The following DNAAF5 variants were observed in gnomAD, a reference collection of about 807,000 sequenced individuals.
DNAAF5 encodes HEAT repeat containing 2.
A neutral mutation model predicts 75.8 loss-of-function variants in DNAAF5; 64 were observed. The observed-to-expected ratio is 0.84, with a 90% CI of 0.69 to 1.04. The LOEUF (loss-of-function observed/expected upper bound fraction) is 1.04, where lower values mean the gene tolerates loss of function less well. DNAAF5 is among the 50% of genes least tolerant of loss of function. The pLI is 0.00. For synonymous variants in DNAAF5, 657 were observed against 557.2 expected (o/e 1.18, Z -2.52); for missense variants, 1,269 against 1,178.5 (o/e 1.08, Z -1.12).
chr7:766,083 C>T (rs1288585167), intron 8 of DNAAF5, among the ~76,000 whole-genome samples: 2 of 152,164 alleles, frequency 1.3e-5, no homozygotes, highest in Non-Finnish European at 2.9e-5. Context: ...CCCACCTCAC[C>T]CTCCCAAAGT....
chr7:753,364 G>A (rs894185684), intron 4 of DNAAF5, among the ~76,000 whole-genome samples: 12 of 152,228 alleles, frequency 7.9e-5, no homozygotes, highest in African/African-American at 2.7e-4. Context: ...GAGAAGGGAG[G>A]AGAGTGAACG....
Position 726,972 on chromosome 7 carries a change from C to G in DNAAF5, c.252C>G (p.Cys84Trp). ...TACTGCTGCCGCGCTTGCTGCGCTG[C>G]CTGAGCGACCCCGCCGAGGGCTGCC... ...ARLLLPRLLR[C>W]LSDPAEGCRA... The change falls in exon 1 of 13, where the codon TGC becomes TGG. Residue 84 changes from cysteine (C) to tryptophan (W), a missense_variant. By Grantham distance (215) the Cys-to-Trp change is radical. Coordinates refer to ENST00000297440, the MANE Select transcript of DNAAF5 (RefSeq NM_017802.4). 7.7e-7 allele frequency: 1 copy of G among 1,305,078 alleles called. No homozygotes were observed. Among genetic ancestry groups the G allele is most frequent in the Non-Finnish European group, 9.8e-7 (1 of 1,022,536 alleles). The allele number at this position is 1,305,078 out of a possible 1,614,324, so 80.8% of individuals were successfully genotyped here.
At chr7:743,908 AT>A (rs1001263085) in intron 4 of DNAAF5, among the ~76,000 whole-genome samples, 5 of 148,938 alleles carry the variant, frequency 3.4e-5, no homozygotes, top group Non-Finnish European at 6.0e-5. Flanking sequence ...TTCTTTTTTT[AT>A]TTTTTTATTA....
chr7:779,911 T>C, intron 11 of DNAAF5, 42 bp from the exon 12 acceptor site: 1 of 1,558,804 alleles, frequency 6.4e-7, no homozygotes, highest in Non-Finnish European at 8.8e-7. Flanking sequence ...ACGTGAAATG[T>C]CTGCTCTAGA....
At chr7:780,378 TGTTA>T (rs1177342695) in intron 12 of DNAAF5, among the ~76,000 whole-genome samples, 1 of 152,246 alleles carries the variant, frequency 6.6e-6, no homozygotes, top group African/African-American at 2.4e-5. Flanking sequence ...CTAGAATACT[TGTTA>T]GTTGTTTAAA....
At chr7:733,822 C>T (rs1781655851) in intron 2 of DNAAF5, among the ~76,000 whole-genome samples, 1 of 152,150 alleles carries the variant, frequency 6.6e-6, no homozygotes, top group Non-Finnish European at 1.5e-5. Context: ...AGATCTTTCA[C>T]TTCTTTGGTT....
At position 785,742 on chromosome 7, in the gene DNAAF5, C is replaced by A; in HGVS notation, c.*89C>A. The A allele has an allele frequency of 6.8e-7, 1 of 1,471,678 alleles. No homozygotes were observed. The highest frequency in any genetic ancestry group is 1.3e-5 in the South Asian group (1 of 79,604). 91.2% of individuals were successfully genotyped at this position (1,471,678 alleles called of 1,614,324 possible). On this transcript the variant is annotated 3_prime_UTR_variant, in exon 13 of 13. Transcript: ENST00000297440. ...ATCTCATAAACAAGGCACCTCTGTGCCAGCAGTGAGACTGTGACAGCAAGA... is the reference window on the plus strand; with the variant it reads ...ATCTCATAAACAAGGCACCTCTGTGACAGCAGTGAGACTGTGACAGCAAGA...
At chr7:761,585 A>T (rs1782645570) in intron 6 of DNAAF5, among the ~76,000 whole-genome samples, 168 bp from the exon 7 acceptor site, 2 of 152,248 alleles carry the variant, frequency 1.3e-5, no homozygotes, top group South Asian at 4.1e-4. Flanking sequence ...GTGAGACTTA[A>T]TATCAAGAGA....
chr7:740,730 C>T (rs975174747), intron 2 of DNAAF5, 89 bp from the exon 3 acceptor site: 15 of 1,548,252 alleles, frequency 9.7e-6, no homozygotes, highest in African/African-American at 2.7e-5. Flanking sequence ...AGGCAGCGTC[C>T]GTATGGCAGC....
At chr7:762,928 T>C (rs907480122) in intron 7 of DNAAF5, among the ~76,000 whole-genome samples, 5 of 152,154 alleles carry the variant, frequency 3.3e-5, no homozygotes, top group African/African-American at 4.8e-5. Context: ...TGCCCAAAAA[T>C]CTTTTAACCC....
Position 756,995 on chromosome 7 carries a change from G to C in DNAAF5, c.1470+1G>C. 1.2e-6 allele frequency: 2 copies of C among 1,601,186 alleles called. No individual in the cohort carries two copies. The highest frequency in any genetic ancestry group is 1.7e-6 in the Non-Finnish European group (2 of 1,179,362). On this transcript the variant is annotated splice_donor_variant, in intron 6 of 12. Transcript: ENST00000297440. LOFTEE classifies it high-confidence loss of function. ...CCACATCTGCCAGGCATCTGAAAAC[G>C]TAAGAGCACTTGGGAGATGCGGGAG...
intron 12 of DNAAF5, among the ~76,000 whole-genome samples, chr7:782,047 C>T (rs1335535901): frequency 6.6e-6 from 1 of 152,270 alleles, no homozygotes; most frequent in Non-Finnish European, 1.5e-5. Context: ...ATACTTAGAC[C>T]TTCCCCGCGC....
At chr7:741,296 T>C (rs1463852092) in intron 3 of DNAAF5, 51 bp from the exon 4 acceptor site, 2 of 1,398,260 alleles carry the variant, frequency 1.4e-6, no homozygotes, top group Non-Finnish European at 2.0e-6. Flanking sequence ...CCCTGCGGCC[T>C]CCCCTGCGTG....
At chr7:756,532 G>A (rs928382625) in intron 5 of DNAAF5, among the ~76,000 whole-genome samples, 1 of 152,238 alleles carries the variant, frequency 6.6e-6, no homozygotes, top group Non-Finnish European at 1.5e-5. Context: ...CTGGGACACA[G>A]CATCCTTTGG....
intron 12 of DNAAF5, among the ~76,000 whole-genome samples, chr7:782,789 C>G (rs887199030): frequency 6.6e-6 from 1 of 150,840 alleles, no homozygotes; most frequent in African/African-American, 2.4e-5. Flanking sequence ...CCTCCCGTCA[C>G]GCAGCGTCAG....
In DNAAF5 at chr7:740,912, A is replaced by G. The variant is rs749149363; in HGVS notation, c.874A>G (p.Ser292Gly). The G allele has an allele frequency of 1.9e-6, 3 of 1,613,766 alleles. No homozygotes were observed. The highest frequency in any genetic ancestry group is 2.5e-6 in the Non-Finnish European group (3 of 1,180,040). The part of the protein sequence containing the change: ...FFHKLIPLLL[S>G]SLNDEVPEVR... ...CCACAAGCTCATCCCTCTGCTGCTC[A>G]GTAGCCTCAACGACGAGGTGCCTGA... The change falls in exon 3 of 13, where the codon AGT (serine) becomes GGT (glycine). Residue 292 changes from serine (S) to glycine (G), a missense_variant. Ser to Gly is a moderately conservative substitution (Grantham distance 56). Transcript: ENST00000297440.
At chr7:740,484 G>A (rs567894781) in intron 2 of DNAAF5, among the ~76,000 whole-genome samples, 3 of 152,350 alleles carry the variant, frequency 2.0e-5, no homozygotes, top group South Asian at 4.1e-4. Context: ...CACGCTGCAC[G>A]GCTCAGGTAG....
At chr7:764,034 C>T (rs1782747539) in intron 8 of DNAAF5, 60 bp downstream of exon 8, 3 of 1,557,146 alleles carry the variant, frequency 1.9e-6, no homozygotes, top group Non-Finnish European at 2.6e-6. Flanking sequence ...CACACCTGCT[C>T]CCCCAGGTGC....
chr7:764,580 C>G (rs867228327), intron 8 of DNAAF5, among the ~76,000 whole-genome samples: 2 of 152,234 alleles, frequency 1.3e-5, no homozygotes, highest in Non-Finnish European at 2.9e-5. Flanking sequence ...CCTCCCGCTC[C>G]CGCCTGCAGC....
Sources: allele counts gnomAD v4.1 joint callset (sites outside exome capture counted in the v4.1 genomes callset), GRCh38; gene constraint gnomAD v4.1.1; transcripts MANE v1.5; gene names NCBI Gene and HGNC (gene_info 2026-07-23, HGNC 2026-07-21).